Variants in DMD observed in about 807,000 individuals in gnomAD.
DMD encodes dystrophin.
In DMD, 63 loss-of-function variants were observed where a neutral mutation model predicts 330.1. That is an observed-to-expected ratio of 0.19 (90% CI 0.16 to 0.24). The LOEUF is 0.24. Among genes scored for constraint, DMD ranks in the 10% least tolerant of loss-of-function variants. The pLI is 1.00. For missense variants in DMD, 3,344 were observed against 2,684.1 expected, an observed-to-expected ratio of 1.25 and a Z score of -5.43; for synonymous variants, 1,223 against 959.8, an observed-to-expected ratio of 1.27 and a Z score of -5.07.
At chrX:32,128,154 A>G (rs2096670948) in intron 44 of DMD, among the ~76,000 whole-genome samples, 1 of 112,462 alleles carries the variant, frequency 8.9e-6, no homozygotes, top group Non-Finnish European at 1.9e-5. Flanking sequence ...GTAAAATTAT[A>G]TGATTAAAAA....
At chrX:31,808,181 T>C (rs1302400701) in intron 50 of DMD, among the ~76,000 whole-genome samples, 1 of 111,752 alleles carries the variant, frequency 8.9e-6, no homozygotes, top group Non-Finnish European at 1.9e-5. Context: ...TGAAAATGGC[T>C]ATGATAGGCC....
At chrX:31,148,522 C>T (rs766941104) in intron 74 of DMD, among the ~76,000 whole-genome samples, 46 of 112,309 alleles carry the variant, frequency 4.1e-4, no homozygotes, top group Middle Eastern at 4.2e-3. Flanking sequence ...CTTTTTTATA[C>T]CTATCTCCTT....
chrX:31,380,686 A>G (rs192049593), intron 60 of DMD, among the ~76,000 whole-genome samples: 1,153 of 110,820 alleles, frequency 0.01, 23 homozygotes, highest in African/African-American at 0.035. Context: ...CTGTGGTGCC[A>G]AACCCATATA....
chrX:31,150,592 G>A (rs760119312), intron 74 of DMD, among the ~76,000 whole-genome samples: 18 of 112,291 alleles, frequency 1.6e-4, no homozygotes, highest in Non-Finnish European at 3.2e-4. Context: ...ATCCACAAAT[G>A]TGGGAGATCT....
At chrX:33,300,008 A>G (rs1161262511) in intron 1 of DMD, among the ~76,000 whole-genome samples, 1 of 112,051 alleles carries the variant, frequency 8.9e-6, no homozygotes, top group Non-Finnish European at 1.9e-5. Context: ...ATACTAATCA[A>G]AAGAGAAAGA....
At chrX:31,164,843 C>T (rs2039247977) in intron 74 of DMD, among the ~76,000 whole-genome samples, 1 of 111,368 alleles carries the variant, frequency 9.0e-6, no homozygotes, top group South Asian at 3.8e-4. Flanking sequence ...CCCTTCCCGA[C>T]CTGCCCTTGC....
At chrX:32,053,327 T>G (rs574017788) in intron 44 of DMD, among the ~76,000 whole-genome samples, 69 of 107,950 alleles carry the variant, frequency 6.4e-4, no homozygotes, top group Admixed American at 4.8e-3. Context: ...TACAAGGAAG[T>G]TATCTCGTAA....
chrX:31,349,202 G>C (rs887315755), intron 60 of DMD, among the ~76,000 whole-genome samples: 4 of 112,685 alleles, frequency 3.5e-5, no homozygotes, highest in African/African-American at 6.4e-5. Flanking sequence ...AGCACTTTGG[G>C]AGGCCAAGTT....
intron 4 of DMD, among the ~76,000 whole-genome samples, chrX:32,828,242 A>C (rs1221042430): frequency 9.0e-6 from 1 of 111,585 alleles, no homozygotes; most frequent in Non-Finnish European, 1.9e-5. Flanking sequence ...TATATACCAA[A>C]TAATGAGGTT....
chrX:31,833,340 GTGGA>G (rs2093112504), intron 49 of DMD, among the ~76,000 whole-genome samples: 4 of 36,756 alleles, frequency 1.1e-4, no homozygotes, highest in African/African-American at 3.7e-4. Flanking sequence ...GAGGGAGAGA[GTGGA>G]GAGGGAGGGA....
chrX:32,502,981 AT>A (rs1360270609), intron 18 of DMD, among the ~76,000 whole-genome samples: 3 of 111,594 alleles, frequency 2.7e-5, no homozygotes, highest in Admixed American at 9.6e-5. Flanking sequence ...TGACTTGAAA[AT>A]AAAAGAATAT....
intron 2 of DMD, among the ~76,000 whole-genome samples, chrX:32,901,031 G>A (rs1213247984): frequency 1.8e-5 from 2 of 110,725 alleles, no homozygotes; most frequent in East Asian, 5.7e-4. Context: ...AATATGTTTG[G>A]TATACTAAAA....
chrX:31,262,763 G>A (rs2050651920), intron 62 of DMD, among the ~76,000 whole-genome samples: 1 of 112,465 alleles, frequency 8.9e-6, no homozygotes, highest in Non-Finnish European at 1.9e-5. Context: ...TGACCAAGCC[G>A]GTTTATGATC....
intron 42 of DMD, among the ~76,000 whole-genome samples, chrX:32,296,353 C>T (rs969918353): frequency 7.2e-5 from 8 of 110,711 alleles, no homozygotes; most frequent in Non-Finnish European, 1.1e-4. Context: ...ACTGTGCCAC[C>T]GCACTCCAGC....
intron 7 of DMD, among the ~76,000 whole-genome samples, chrX:32,743,888 G>A (rs1203010061): frequency 9.0e-6 from 1 of 110,956 alleles, no homozygotes; most frequent in Non-Finnish European, 1.9e-5. Flanking sequence ...TAGACATTGT[G>A]TTTCTTCCAG....
intron 2 of DMD, among the ~76,000 whole-genome samples, chrX:32,900,078 C>A (rs1245070945): frequency 3.6e-5 from 4 of 111,966 alleles, no homozygotes; most frequent in African/African-American, 6.5e-5. Flanking sequence ...AATCGGTATT[C>A]CTATTTAACT....
chrX:32,924,903 TTATAAA>T (rs1297036853), intron 2 of DMD, among the ~76,000 whole-genome samples: 3 of 110,770 alleles, frequency 2.7e-5, no homozygotes, highest in South Asian at 7.6e-4. Flanking sequence ...AGAAAGAACA[TTATAAA>T]TATATGTGTA....
intron 74 of DMD, among the ~76,000 whole-genome samples, chrX:31,157,160 G>T (rs1311713467): frequency 8.9e-6 from 1 of 111,858 alleles, no homozygotes; most frequent in African/African-American, 3.3e-5. Context: ...ATGTATCTAG[G>T]TGGAGTCTAT....
At chrX:32,997,248 A>AT (rs375762177) in intron 2 of DMD, among the ~76,000 whole-genome samples, 1,792 of 98,607 alleles carry the variant, frequency 0.018, 17 homozygotes, top group Middle Eastern at 0.046. Context: ...GCCTCCCGCC[A>AT]TTTTTTTTTT....
Sources: allele counts gnomAD v4.1 joint callset (sites outside exome capture counted in the v4.1 genomes callset), GRCh38; gene constraint gnomAD v4.1.1; transcripts MANE v1.5; gene names NCBI Gene and HGNC (gene_info 2026-07-23, HGNC 2026-07-21).